PISD: variants seen among roughly 807,000 people sequenced by gnomAD.
PISD encodes phosphatidylserine decarboxylase proenzyme, mitochondrial.
Under a neutral mutation model 43.5 loss-of-function variants are expected in PISD, and 31 were observed. The observed-to-expected ratio is 0.71, with a 90% CI of 0.54 to 0.96. PISD has a LOEUF of 0.96. Ranked by LOEUF, PISD falls within the 40% of genes least tolerant of loss-of-function variation. The pLI, the probability that PISD is intolerant of heterozygous loss-of-function variation, is 0.00. For missense variants in PISD, 523 were observed against 548.4 expected, an observed-to-expected ratio of 0.95 and a Z score of 0.46; for synonymous variants, 259 against 228.7, an observed-to-expected ratio of 1.13 and a Z score of -1.20.
intron 3 of PISD, among the ~76,000 whole-genome samples, chr22:31,631,067 T>A (rs771021267): frequency 6.6e-6 from 1 of 152,168 alleles, no homozygotes; most frequent in Non-Finnish European, 1.5e-5. Flanking sequence ...CAGCTCTGCT[T>A]GGTCACTGTC....
intron 1 of PISD, among the ~76,000 whole-genome samples, chr22:31,661,436 T>C (rs978938737): frequency 6.6e-6 from 1 of 152,202 alleles, no homozygotes; most frequent in Admixed American, 6.5e-5. Flanking sequence ...TCTAAGCTAT[T>C]TTCTGTATAA....
At chr22:31,642,467 CA>C (rs992052974) in intron 3 of PISD, among the ~76,000 whole-genome samples, 1 of 150,144 alleles carries the variant, frequency 6.7e-6, no homozygotes, top group Non-Finnish European at 1.5e-5. Flanking sequence ...AAAAGAAAAA[CA>C]AAAAACAAAC....
At chr22:31,638,281 C>G in intron 3 of PISD, 1 of 678,340 alleles carries the variant, frequency 1.5e-6, no homozygotes, top group Non-Finnish European at 1.8e-6. Flanking sequence ...GGGGCAGGTC[C>G]AGTCACAACA....
Position 31,621,871 on chromosome 22 carries a change from C to T in PISD, c.336G>A (p.Lys112=), listed in dbSNP as rs2072601801. 6.2e-7 allele frequency: 1 copy of T among 1,608,614 alleles called. No individual in the cohort carries two copies. The stretch of plus-strand genomic sequence containing the variant: ...GTGACAGCAAGCGCGTTGGCACTGA[C>T]TTGTACAAAGCCACCTGCAGGCCAC... ...LAGHWEVALY[K]SVPTRLLSRA... The change falls in exon 4 of 8, where the codon AAG becomes AAA. Residue 112 remains lysine, a synonymous_variant. Coordinates refer to ENST00000439502, the MANE Select transcript of PISD (RefSeq NM_001326411.2).
intron 3 of PISD, among the ~76,000 whole-genome samples, chr22:31,628,526 T>C (rs568354931): frequency 1.3e-5 from 2 of 152,286 alleles, no homozygotes; most frequent in East Asian, 3.9e-4. Flanking sequence ...TTGTGACCAA[T>C]AGGACTTTAA....
intron 1 of PISD, 147 bp downstream of exon 1, chr22:31,661,997 C>T: frequency 1.4e-6 from 1 of 714,752 alleles, no homozygotes; most frequent in South Asian, 1.6e-5. Flanking sequence ...AGCAGTCGCA[C>T]CTGCTCCTAA....
rs904591651 is a variant in PISD, at chr22:31,632,262, T to C, written c.322-10377A>G. The C allele has an allele frequency of 1.3e-5, 13 of 984,662 alleles. No individual in the cohort carries two copies. The Admixed American group carries it at 6.8e-4, about 51-fold the overall frequency. The allele number at this position is 984,662 out of a possible 1,614,324, so 61.0% of individuals were successfully genotyped here. ...AGGGGGAAGAAGACAGATAGGGTCC[T>C]CCTCCATGGATTTCCATGTTCTTCC... On this transcript the variant is annotated intron_variant, in intron 3 of 7. Coordinates refer to ENST00000439502, the MANE Select transcript of PISD (RefSeq NM_001326411.2).
chr22:31,650,443 T>C (rs1211317809), intron 2 of PISD, among the ~76,000 whole-genome samples: 2 of 151,730 alleles, frequency 1.3e-5, no homozygotes, highest in Admixed American at 6.6e-5. Context: ...AGAATGAGAA[T>C]TGCTTAAACC....
chr22:31,639,587 C>G (rs769228476), intron 3 of PISD, among the ~76,000 whole-genome samples: 1 of 152,142 alleles, frequency 6.6e-6, no homozygotes, highest in Non-Finnish European at 1.5e-5. Flanking sequence ...TAATCTAAAA[C>G]AGTATTTGTC....
chr22:31,640,806 C>A (rs2073681487), intron 3 of PISD, among the ~76,000 whole-genome samples: 1 of 146,948 alleles, frequency 6.8e-6, no homozygotes, highest in Non-Finnish European at 1.5e-5. Flanking sequence ...GTCTTGAACT[C>A]CTGACCTCAG....
chr22:31,642,806 A>G (rs1221640109), intron 3 of PISD, among the ~76,000 whole-genome samples: 10 of 149,624 alleles, frequency 6.7e-5, no homozygotes, highest in South Asian at 4.2e-4. Context: ...AAAAAAAAAA[A>G]AAAGAAAGAA....
intron 3 of PISD, among the ~76,000 whole-genome samples, chr22:31,624,023 A>G (rs1207742481): frequency 6.6e-6 from 1 of 152,090 alleles, no homozygotes; most frequent in African/African-American, 2.4e-5. Flanking sequence ...CCTCGTCCCA[A>G]CCCCATTCTG....
chr22:31,619,349 G>T lies in PISD; in HGVS notation c.*263C>A. 1.9e-6 allele frequency: 1 copy of T among 532,230 alleles called. No homozygotes were observed. Among genetic ancestry groups the T allele is most frequent in the Non-Finnish European group, 3.5e-6 (1 of 285,568 alleles). The allele number at this position is 532,230 out of a possible 1,614,324, so 33.0% of individuals were successfully genotyped here. A position where few individuals can be genotyped will look rare whatever the true frequency, so the allele number is the denominator to read the frequency against. On this transcript the variant is annotated 3_prime_UTR_variant, in exon 8 of 8. Coordinates refer to ENST00000439502, the MANE Select transcript of PISD (RefSeq NM_001326411.2). Reference sequence around the variant, plus strand: ...ATACAGTGTTTAAAAAGATCCAAATGTGACTGAGATCATTCCAGCCTGCAC... The same window carrying T: ...ATACAGTGTTTAAAAAGATCCAAATTTGACTGAGATCATTCCAGCCTGCAC...
chr22:31,629,601 G>A (rs1479460896), intron 3 of PISD: 2 of 144,366 alleles, frequency 1.4e-5, no homozygotes, highest in African/African-American at 5.2e-5. Context: ...TGCAAGGGGT[G>A]TGTGTAGGTG....
chr22:31,623,456 A>T (rs1267324612), intron 3 of PISD, among the ~76,000 whole-genome samples: 1 of 152,216 alleles, frequency 6.6e-6, no homozygotes, highest in African/African-American at 2.4e-5. Flanking sequence ...AGGCTAGGGG[A>T]GTGGGCAGGG....
chr22:31,654,464 G>A (rs994961968), intron 1 of PISD, among the ~76,000 whole-genome samples: 1 of 152,060 alleles, frequency 6.6e-6, no homozygotes, highest in Non-Finnish European at 1.5e-5. Flanking sequence ...GCTACCCAAT[G>A]GCCCCATTTT....
rs531463079 is a variant in PISD at position 31,621,461 on chromosome 22, C to T, written c.570G>A (p.Ser190=). ...VCGLHSVISP[S]DGRILNFGQV... The stretch of plus-strand genomic sequence containing the variant: ...GCCCAAAGTTGAGGATCCTTCCATC[C>T]GATGGGCTAATCTGGAAGGGCAGGA... The change falls in exon 5 of 8, where the codon TCG becomes TCA. Residue 190 remains serine, a synonymous_variant. Coordinates refer to ENST00000439502, the MANE Select transcript of PISD (RefSeq NM_001326411.2). The T allele has an allele frequency of 2.8e-5, 46 of 1,614,116 alleles. No homozygotes were observed. The South Asian group carries it at 4.1e-4, about 14-fold the overall frequency.
At position 31,624,216 on chromosome 22, in the gene PISD, A is replaced by G. The variant is rs1368940816; in HGVS notation, c.322-2331T>C. On this transcript the variant is annotated intron_variant, in intron 3 of 7. Coordinates refer to ENST00000439502, the MANE Select transcript of PISD (RefSeq NM_001326411.2). ...CCTCCAGGCCCAAGCACCTGGGCCC[A>G]GGAAGGGGAGAGCAGGGTGTAGGGC... Among the ~76,000 whole-genome samples the G allele has an allele frequency of 1.3e-5, 2 of 152,208 alleles. 1 individual carries two copies. Among genetic ancestry groups the G allele is most frequent in the Non-Finnish European group, 2.9e-5 (2 of 68,022 alleles).
intron 3 of PISD, chr22:31,625,607 G>T: frequency 1.1e-6 from 1 of 870,058 alleles, no homozygotes; most frequent in Non-Finnish European, 1.8e-6. Flanking sequence ...GACTCAGGGT[G>T]CTCAGGCCCC....
Sources: gnomAD v4.1 joint callset for allele counts (sites outside exome capture counted in the v4.1 genomes callset) on GRCh38, gnomAD v4.1.1 for gene constraint, MANE v1.5 for transcripts, NCBI Gene and HGNC (gene_info 2026-07-23, HGNC 2026-07-21) for gene names.